The following CFAP299 variants were observed in gnomAD, a reference collection of about 807,000 sequenced individuals.
CFAP299 encodes the protein cilia- and flagella-associated protein 299.
Under a neutral mutation model 27.0 loss-of-function variants are expected in CFAP299, and 21 were observed. The ratio of observed to expected loss-of-function variants is 0.78; its 90% CI spans 0.55 to 1.12. The LOEUF is 1.12. Ranked by LOEUF, CFAP299 falls within the 50% of genes most tolerant of loss-of-function variation. CFAP299 has a pLI of 0.00. For synonymous variants in CFAP299, 104 were observed against 98.1 expected, an observed-to-expected ratio of 1.06 and a Z score of -0.36; for missense variants, 310 against 276.6, an observed-to-expected ratio of 1.12 and a Z score of -0.86.
chr4:80,564,759 T>A (rs555965019), intron 2 of CFAP299, among the ~76,000 whole-genome samples: 20 of 151,936 alleles, frequency 1.3e-4, no homozygotes, highest in Non-Finnish European at 2.8e-4. Context: ...TAATCTTATA[T>A]TGGAAAATAA....
chr4:80,608,137 G>A (rs928015876), intron 3 of CFAP299, among the ~76,000 whole-genome samples: 14 of 152,004 alleles, frequency 9.2e-5, no homozygotes, highest in African/African-American at 3.4e-4. Flanking sequence ...ATAATATATG[G>A]GGATATTCAT....
At chr4:80,496,284 A>G (rs1307003533) in intron 2 of CFAP299, among the ~76,000 whole-genome samples, 1 of 152,174 alleles carries the variant, frequency 6.6e-6, no homozygotes, top group African/African-American at 2.4e-5. Flanking sequence ...AGTGTGTTAG[A>G]AACACCCACA....
intron 2 of CFAP299, among the ~76,000 whole-genome samples, chr4:80,377,778 G>A (rs2110015969): frequency 6.6e-6 from 1 of 152,190 alleles, no homozygotes; most frequent in East Asian, 1.9e-4. Flanking sequence ...TCTCACGAAT[G>A]TTTTATAGCT....
intron 3 of CFAP299, among the ~76,000 whole-genome samples, chr4:80,807,740 G>A (rs1304599380): frequency 6.6e-6 from 1 of 151,890 alleles, no homozygotes; most frequent in African/African-American, 2.4e-5. Flanking sequence ...TCTGATCGTG[G>A]TTTACTATAT....
the CFAP299 span, among the ~76,000 whole-genome samples, chr4:80,326,978 T>G: frequency 1.3e-5 from 2 of 152,186 alleles, no homozygotes; most frequent in Non-Finnish European, 2.9e-5. Context: ...AAGTGGAACC[T>G]GGTAGGTTCC....
At chr4:80,902,833 A>T (rs979371720) in intron 4 of CFAP299, among the ~76,000 whole-genome samples, 4 of 151,960 alleles carry the variant, frequency 2.6e-5, no homozygotes, top group Non-Finnish European at 5.9e-5. Context: ...AGAATAAATT[A>T]TCTTTGCAGA....
chr4:80,599,454 T>A (rs1737218390), intron 3 of CFAP299, among the ~76,000 whole-genome samples: 1 of 152,166 alleles, frequency 6.6e-6, no homozygotes, highest in African/African-American at 2.4e-5. Flanking sequence ...TCTACTGTTT[T>A]ATATAGGTTT....
intron 3 of CFAP299, among the ~76,000 whole-genome samples, chr4:80,750,517 C>A (rs1724875658): frequency 2.0e-5 from 3 of 152,156 alleles, no homozygotes; most frequent in Admixed American, 1.3e-4. Context: ...AGTTTCAACA[C>A]CATTAAAAGT....
intron 2 of CFAP299, among the ~76,000 whole-genome samples, chr4:80,480,622 G>C (rs1477217415): frequency 6.6e-6 from 1 of 152,018 alleles, no homozygotes; most frequent in Non-Finnish European, 1.5e-5. Context: ...GGCCTAATTA[G>C]TTTTGTCTGC....
intron 5 of CFAP299, among the ~76,000 whole-genome samples, chr4:80,960,313 G>T (rs1484842235): frequency 6.6e-6 from 1 of 151,754 alleles, no homozygotes; most frequent in Non-Finnish European, 1.5e-5. Context: ...ATTTTCAGGG[G>T]ATCCATGAGC....
chr4:80,717,446 G>A (rs1057074550), intron 3 of CFAP299, among the ~76,000 whole-genome samples: 14 of 152,170 alleles, frequency 9.2e-5, no homozygotes, highest in Middle Eastern at 3.4e-3. Flanking sequence ...TGTTATGACC[G>A]CTGTTACTGG....
At chr4:80,828,613 A>G (rs1730124047) in intron 3 of CFAP299, among the ~76,000 whole-genome samples, 1 of 151,322 alleles carries the variant, frequency 6.6e-6, no homozygotes, top group African/African-American at 2.4e-5. Flanking sequence ...CCCTCCCCCT[A>G]CCCTGATTCT....
intron 4 of CFAP299, among the ~76,000 whole-genome samples, chr4:80,879,230 A>G (rs531954684): frequency 5.3e-4 from 80 of 152,256 alleles, no homozygotes; most frequent in African/African-American, 1.9e-3. Flanking sequence ...TTCAGGAAGA[A>G]TTTGTGCAGT....
At chr4:80,758,097 A>G (rs994485360) in intron 3 of CFAP299, among the ~76,000 whole-genome samples, 2 of 152,192 alleles carry the variant, frequency 1.3e-5, no homozygotes, top group East Asian at 3.9e-4. Context: ...AAGTGTTAAC[A>G]GCTCAGTGGA....
chr4:80,900,978 G>A (rs1734859491), intron 4 of CFAP299, among the ~76,000 whole-genome samples: 1 of 151,988 alleles, frequency 6.6e-6, no homozygotes, highest in Non-Finnish European at 1.5e-5. Flanking sequence ...ATTTTACTAA[G>A]TAACTACCAT....
intron 3 of CFAP299, among the ~76,000 whole-genome samples, chr4:80,829,490 T>C (rs1730180104): frequency 6.6e-6 from 1 of 152,008 alleles, no homozygotes; most frequent in African/African-American, 2.4e-5. Flanking sequence ...TGTTAACTAG[T>C]ATAGAGGTTG....
chr4:80,769,049 A>G (rs986311185), intron 3 of CFAP299, among the ~76,000 whole-genome samples: 1 of 152,220 alleles, frequency 6.6e-6, no homozygotes, highest in African/African-American at 2.4e-5. Context: ...AGCAGAGCAG[A>G]TTAGATTACT....
intron 3 of CFAP299, among the ~76,000 whole-genome samples, chr4:80,700,667 A>T (rs530471046): frequency 2.0e-5 from 3 of 152,048 alleles, no homozygotes; most frequent in Non-Finnish European, 4.4e-5. Context: ...GGAATACATG[A>T]AGTGAGACTA....
intron 3 of CFAP299, among the ~76,000 whole-genome samples, chr4:80,773,354 A>G (rs1726332210): frequency 6.6e-6 from 1 of 152,104 alleles, no homozygotes; most frequent in Non-Finnish European, 1.5e-5. Flanking sequence ...TTGACTGAAA[A>G]TGCCAAAAAA....
Sources: allele counts gnomAD v4.1 joint callset (sites outside exome capture counted in the v4.1 genomes callset), GRCh38; gene constraint gnomAD v4.1.1; transcripts MANE v1.5; gene names NCBI Gene and HGNC (gene_info 2026-07-23, HGNC 2026-07-21).